SHARPIN: variants seen among roughly 807,000 people sequenced by gnomAD.
SHARPIN encodes the protein SHANK associated RH domain interactor.
SHARPIN carries 25 observed loss-of-function variants against 40.3 expected under a neutral mutation model. That is an observed-to-expected ratio of 0.62 (90% CI 0.45 to 0.87). SHARPIN has a LOEUF of 0.87. SHARPIN is among the 40% of genes least tolerant of loss of function. The pLI, the probability that SHARPIN is intolerant of heterozygous loss-of-function variation, is 0.00. For missense variants in SHARPIN, 551 were observed against 516.1 expected, an observed-to-expected ratio of 1.07 and a Z score of -0.66; for synonymous variants, 274 against 221.8, an observed-to-expected ratio of 1.24 and a Z score of -2.09.
chr8:144,103,616 C>T lies in SHARPIN; in HGVS notation c.138G>A (p.Leu46=), dbSNP rs559001796. Residue 46 remains leucine, a synonymous_variant, in exon 1 of 9, where the codon CTG becomes CTA. Transcript: ENST00000398712. ...GCCCAGGCCGCTCAGGGTCCGCGCT[C>T]AGCTGCAGCCTCCGCAGCTGTGCCT... ...DAEAQLRRLQ[L]SADPERPGRF... 8.5e-4 allele frequency: 1,301 copies of T among 1,529,586 alleles called. 2 individuals are homozygous for T. Among genetic ancestry groups the T allele is most frequent in the Non-Finnish European group, 9.9e-4 (1,128 of 1,144,452 alleles). 94.8% of individuals were successfully genotyped at this position (1,529,586 alleles called of 1,614,324 possible). A position where few individuals can be genotyped will look rare whatever the true frequency, so the allele number is the denominator to read the frequency against.
At chr8:144,100,156 C>T in intron 2 of SHARPIN, 87 bp from the exon 3 acceptor site, 1 of 1,477,338 alleles carries the variant, frequency 6.8e-7, no homozygotes, top group Non-Finnish European at 9.1e-7. Context: ...CCTTCTCCCT[C>T]ACCTCAGTCC....
At position 144,099,117 on chromosome 8, in the gene SHARPIN, G is replaced by A. The variant is rs779931716; in HGVS notation, c.1011C>T (p.Pro337=). 22 of 1,585,342 alleles carry A rather than the reference G, an allele frequency of 1.4e-5. No individual in the cohort carries two copies. Among genetic ancestry groups the A allele is most frequent in the Non-Finnish European group, 1.7e-5 (20 of 1,167,026 alleles). The change falls in exon 7 of 9, where the codon CCC becomes CCT. Residue 337 remains proline (P), a synonymous_variant. Transcript: ENST00000398712. ...TGGGCAGGCTGGAGGCAGCTGGCTG[G>A]GGGCCTGGGGGTAGCCCCAATGATG... ...FPPSLGLPPG[P]QPAASSLPSP... is the part of the protein sequence containing the mutation.
intron 2 of SHARPIN, chr8:144,102,564 C>A: frequency 1.2e-5 from 2 of 172,766 alleles, no homozygotes; most frequent in Admixed American, 1.1e-4. Flanking sequence ...TGAGCCACCC[C>A]ACCCGGCCAC....
At chr8:144,101,992 C>T (rs1836296424) in intron 2 of SHARPIN, among the ~76,000 whole-genome samples, 2 of 152,212 alleles carry the variant, frequency 1.3e-5, no homozygotes, top group Non-Finnish European at 1.5e-5. Context: ...CTGCTTATCT[C>T]GTTTGTGGGC....
chr8:144,099,267 G>C lies in SHARPIN; in HGVS notation c.922+10C>G. On this transcript the variant is annotated intron_variant, in intron 6 of 8. Transcript: ENST00000398712. ...CCACCTCCCACACCCCACCCCCATC[G>C]AGGACTGACCTGGGGCTTCTCGAGG... 2 of 1,614,004 alleles carry C rather than the reference G, an allele frequency of 1.2e-6. No homozygotes were observed. Among genetic ancestry groups the C allele is most frequent in the South Asian group, 2.2e-5 (2 of 91,088 alleles).
At chr8:144,103,405 G>C in intron 1 of SHARPIN, 148 bp downstream of exon 1, 1 of 1,060,782 alleles carries the variant, frequency 9.4e-7, no homozygotes, top group Non-Finnish European at 1.3e-6. Context: ...AGGTCCGAGC[G>C]TCACCCCCAT....
chr8:144,101,078 G>A (rs1836277888), intron 2 of SHARPIN, among the ~76,000 whole-genome samples: 1 of 151,686 alleles, frequency 6.6e-6, no homozygotes, highest in African/African-American at 2.4e-5. Context: ...CAGGTGATCT[G>A]CCCACCTCGG....
In SHARPIN at chr8:144,099,694, A is replaced by C; in HGVS notation, c.659+9T>G. 1 of 1,613,568 alleles carries C rather than the reference A, an allele frequency of 6.2e-7. No homozygotes were observed. Among genetic ancestry groups the C allele is most frequent in the Non-Finnish European group, 8.5e-7 (1 of 1,179,866 alleles). ...GAGGACAAGGTGAAGAAGCAGCCCC[A>C]GGCCTCACCTGATGGGGCCAGGTGG... On this transcript the variant is annotated intron_variant, in intron 4 of 8. Coordinates refer to ENST00000398712, the MANE Select transcript of SHARPIN (RefSeq NM_030974.4).
intron 2 of SHARPIN, chr8:144,100,681 T>TCCTGGC (rs1836270184): frequency 6.5e-6 from 1 of 154,192 alleles, no homozygotes; most frequent in Admixed American, 6.5e-5. Context: ...CCAGCGCTGT[T>TCCTGGC]CCTGGCCCCG....
intron 1 of SHARPIN, 120 bp from the exon 2 acceptor site, chr8:144,103,345 C>T (rs1379751512): frequency 1.6e-6 from 2 of 1,219,656 alleles, no homozygotes; most frequent in Non-Finnish European, 2.3e-6. Flanking sequence ...GTACGCCTAT[C>T]ATCAAATCCT....
Position 144,103,090 on chromosome 8 carries a change from C to T in SHARPIN, c.337G>A (p.Ala113Thr). Residue 113 changes from alanine to threonine, a missense_variant, in exon 2 of 9, where the codon GCA becomes ACA. Coordinates refer to ENST00000398712, the MANE Select transcript of SHARPIN (RefSeq NM_030974.4). Reference protein sequence around the residue: ...FLNPQEAQRWAVLVRGATVEG... With the variant: ...FLNPQEAQRWTVLVRGATVEG... ...ACGGTGGCACCTCGGACTAGGACTG[C>T]CCACCGCTGAGCTTCCTGAGGGTTG... 1 of 1,612,506 alleles carries T rather than the reference C, an allele frequency of 6.2e-7. No individual in the cohort carries two copies. The highest frequency in any genetic ancestry group is 8.5e-7 in the Non-Finnish European group (1 of 1,179,634).
chr8:144,099,574 G>A lies in SHARPIN; in HGVS notation c.704C>T (p.Ala235Val), dbSNP rs1353266753. 16 of 1,614,004 alleles carry A rather than the reference G, an allele frequency of 9.9e-6. No individual in the cohort carries two copies. The highest frequency in any genetic ancestry group is 5.3e-5 in the African/African-American group (4 of 74,934). Reference sequence around the variant, plus strand: ...CTGCAGGGCAACGTGTGCAGAGGACGCGGCGGATGCGGCAGAGGCAGCGTC... The same window carrying A: ...CTGCAGGGCAACGTGTGCAGAGGACACGGCGGATGCGGCAGAGGCAGCGTC... The part of the protein sequence containing the change: ...LEDAASAASA[A>V]SSAHVALQVH... Residue 235 changes from alanine to valine, a missense_variant, in exon 5 of 9, where the codon GCG becomes GTG. By Grantham distance (64) the Ala-to-Val change is moderately conservative (BLOSUM62 0). Coordinates refer to ENST00000398712, the MANE Select transcript of SHARPIN (RefSeq NM_030974.4).
At chr8:144,103,340 C>T (rs770199747) in intron 1 of SHARPIN, 115 bp from the exon 2 acceptor site, 206 of 1,247,696 alleles carry the variant, frequency 1.7e-4, no homozygotes, top group Non-Finnish European at 2.2e-4. Flanking sequence ...GCCCTGTACG[C>T]CTATCATCAA....
rs1044092603 is a variant in SHARPIN, at chr8:144,099,357, C to T, written c.842G>A (p.Arg281His). 8 of 1,613,892 alleles carry T rather than the reference C, an allele frequency of 5.0e-6. No homozygotes were observed. In the African/African-American group the frequency reaches 5.3e-5, roughly 11 times the overall value. ...VIGRCLCVPE[R>H]SLASYGVRQD... ...CCGAACCCCGTAAGAGGCAAGGCTG[C>T]GCTCAGGCACACACAGGCACCGTCC... Residue 281 changes from arginine to histidine, a missense_variant, in exon 6 of 9, where the codon CGC (arginine) becomes CAC (histidine). Coordinates refer to ENST00000398712, the MANE Select transcript of SHARPIN (RefSeq NM_030974.4).
intron 2 of SHARPIN, 49 bp from the exon 3 acceptor site, chr8:144,100,118 C>T: frequency 6.6e-7 from 1 of 1,514,046 alleles, no homozygotes; most frequent in South Asian, 1.3e-5. Flanking sequence ...GTCCAGGCCT[C>T]TAGGCCCTTG....
In SHARPIN at chr8:144,098,898, G is replaced by A. The variant is rs1487576597; in HGVS notation, c.1144C>T (p.Leu382Phe). Residue 382 changes from leucine to phenylalanine, a missense_variant, in exon 8 of 9, where the codon CTT (leucine) becomes TTT (phenylalanine). Physicochemically the swap from Leu to Phe is conservative, Grantham distance 22. Transcript: ENST00000398712. The part of the protein sequence containing the change: ...STQRPCTWDP[L>F]AAAST ...GGCTGCTAGGTGGAAGCTGCAGCAA[G>A]GGGGTCCCAAGTGCAGGGCCTCTGG... 1.9e-6 allele frequency: 3 copies of A among 1,590,572 alleles called. No homozygotes were observed. Among genetic ancestry groups the A allele is most frequent in the East Asian group, 2.3e-5 (1 of 43,992 alleles).
chr8:144,103,255 C>T (rs1836326314), intron 1 of SHARPIN, 30 bp from the exon 2 acceptor site: 2 of 1,569,414 alleles, frequency 1.3e-6, no homozygotes, highest in Non-Finnish European at 1.7e-6. Context: ...AGGCTCAGGG[C>T]GTCCCCCCGC....
chr8:144,098,773 A>G lies in SHARPIN; in HGVS notation c.*28T>C, dbSNP rs1034033148. The G allele has an allele frequency of 8.2e-6, 7 of 852,686 alleles. No homozygotes were observed. Among genetic ancestry groups the G allele is most frequent in the Middle Eastern group, 7.3e-4 (2 of 2,726 alleles). The allele number at this position is 852,686 out of a possible 1,614,324, so 52.8% of individuals were successfully genotyped here. A position where few individuals can be genotyped will look rare whatever the true frequency, so the allele number is the denominator to read the frequency against. ...ATGTCGGACTTGTGAGGGAAGGGCC[A>G]CTCTCCCCTTGTAACCTGTGGGGGA... On this transcript the variant is annotated 3_prime_UTR_variant, in exon 9 of 9. Coordinates refer to ENST00000398712, the MANE Select transcript of SHARPIN (RefSeq NM_030974.4).
In SHARPIN at chr8:144,099,277, C is replaced by T. The variant is rs764157250; in HGVS notation, c.922G>A (p.Ala308Thr). 3.1e-6 allele frequency: 5 copies of T among 1,614,086 alleles called. No homozygotes were observed. Among genetic ancestry groups the T allele is most frequent in the Non-Finnish European group, 3.4e-6 (4 of 1,179,992 alleles). ...YLLSAPREAP[A>T]TGPSPQHPQK... is the part of the protein sequence containing the mutation. ...CACCCCACCCCCATCGAGGACTGAC[C>T]TGGGGCTTCTCGAGGAGCTGACAGC... Residue 308 changes from alanine (A) to threonine (T), a missense_variant and splice_region_variant, in exon 6 of 9, where the codon GCC becomes ACC. Physicochemically the swap from Ala to Thr is moderately conservative, Grantham distance 58. Coordinates refer to ENST00000398712, the MANE Select transcript of SHARPIN (RefSeq NM_030974.4).
Sources: gnomAD v4.1 joint callset for allele counts (sites outside exome capture counted in the v4.1 genomes callset) on GRCh38, gnomAD v4.1.1 for gene constraint, MANE v1.5 for transcripts, NCBI Gene and HGNC (gene_info 2026-07-23, HGNC 2026-07-21) for gene names.